LRP1B: variants seen among roughly 807,000 people sequenced by gnomAD.
LRP1B encodes the protein low-density lipoprotein receptor-related protein 1B.
Under a neutral mutation model 556.6 loss-of-function variants are expected in LRP1B, and 217 were observed. The ratio of observed to expected loss-of-function variants is 0.39; its 90% CI spans 0.35 to 0.44. The LOEUF is 0.44. Among genes scored for constraint, LRP1B ranks in the 20% least tolerant of loss-of-function variants. LRP1B has a pLI of 1.00. For missense variants in LRP1B, 5,053 were observed against 5,620.8 expected (o/e 0.90, Z 3.23); for synonymous variants, 2,047 against 1,865.8 (o/e 1.10, Z -2.50).
At chr2:141,273,736 TAAC>T (rs1685176479) in intron 3 of LRP1B, among the ~76,000 whole-genome samples, 1 of 152,194 alleles carries the variant, frequency 6.6e-6, no homozygotes, top group African/African-American at 2.4e-5. Context: ...GCATTGGACT[TAAC>T]AAAAGTATTT....
intron 20 of LRP1B, among the ~76,000 whole-genome samples, chr2:140,927,546 CATTA>C (rs1178265019): frequency 2.0e-5 from 3 of 151,980 alleles, no homozygotes; most frequent in Non-Finnish European, 4.4e-5. Context: ...TTTATAAAGT[CATTA>C]ATTTTTATAT....
intron 55 of LRP1B, among the ~76,000 whole-genome samples, chr2:140,499,209 A>C (rs928989929): frequency 6.6e-6 from 1 of 151,918 alleles, no homozygotes; most frequent in African/African-American, 2.4e-5. Flanking sequence ...CTTCTACCAA[A>C]AGCAGTTTCC....
rs144889388 is a variant in LRP1B, at chr2:141,291,225, T to C, written c.344-36584A>G. On this transcript the variant is annotated intron_variant, in intron 3 of 90. Transcript: ENST00000389484. ...ATTAATTTTATTAGTGTAACTAAAATATCTTACTTTTGTGAGAAAATTGTT... is the reference window on the plus strand; with the variant it reads ...ATTAATTTTATTAGTGTAACTAAAACATCTTACTTTTGTGAGAAAATTGTT... 3.4e-3 allele frequency among the ~76,000 whole-genome samples: 513 copies of C among 152,316 alleles called. 3 individuals are homozygous for C. The highest frequency in any genetic ancestry group is 0.012 in the African/African-American group (488 of 41,566).
chr2:140,594,144 A>AT (rs1682340458), intron 43 of LRP1B, among the ~76,000 whole-genome samples: 1 of 152,010 alleles, frequency 6.6e-6, no homozygotes, highest in Non-Finnish European at 1.5e-5. Flanking sequence ...AATTTTTTGT[A>AT]TTTTTAGTAG....
intron 3 of LRP1B, among the ~76,000 whole-genome samples, chr2:141,419,227 T>C (rs1680053589): frequency 7.1e-6 from 1 of 140,886 alleles, no homozygotes; most frequent in Non-Finnish European, 1.6e-5. Context: ...GGATCTTATT[T>C]ATTAAGGATA....
At chr2:141,352,016 G>A (rs79788600) in intron 3 of LRP1B, among the ~76,000 whole-genome samples, 2 of 151,942 alleles carry the variant, frequency 1.3e-5, no homozygotes, top group African/African-American at 4.8e-5. Context: ...TTATTACCAT[G>A]GAGAAAAGAC....
chr2:140,414,016 A>C (rs903398521), intron 66 of LRP1B, among the ~76,000 whole-genome samples: 9 of 152,190 alleles, frequency 5.9e-5, no homozygotes, highest in Non-Finnish European at 5.9e-5. Flanking sequence ...CCTGGGCTCA[A>C]GCAATCCTCC....
intron 2 of LRP1B, among the ~76,000 whole-genome samples, chr2:141,794,699 C>T (rs1695742865): frequency 6.6e-6 from 1 of 151,884 alleles, no homozygotes; most frequent in Non-Finnish European, 1.5e-5. Context: ...TTACACCTTT[C>T]CAGTAACTTC....
At chr2:141,475,586 C>T (rs957262042) in intron 3 of LRP1B, among the ~76,000 whole-genome samples, 1 of 152,044 alleles carries the variant, frequency 6.6e-6, no homozygotes, top group African/African-American at 2.4e-5. Flanking sequence ...GTCTTCACAC[C>T]CAGATGTTGA....
chr2:141,864,546 G>T (rs1197700091), intron 1 of LRP1B, among the ~76,000 whole-genome samples: 3 of 141,718 alleles, frequency 2.1e-5, no homozygotes, highest in Non-Finnish European at 4.6e-5. Flanking sequence ...ACTTTATTTT[G>T]CATTAAAATC....
At chr2:141,348,473 T>C (rs1457870965) in intron 3 of LRP1B, among the ~76,000 whole-genome samples, 1 of 152,004 alleles carries the variant, frequency 6.6e-6, no homozygotes, top group Non-Finnish European at 1.5e-5. Flanking sequence ...ACATTTATTA[T>C]TAATAATTAG....
chr2:142,089,048 C>T (rs1706062744), intron 1 of LRP1B, among the ~76,000 whole-genome samples: 1 of 147,432 alleles, frequency 6.8e-6, no homozygotes, highest in African/African-American at 2.5e-5. Context: ...TTTTTGTCAA[C>T]AAATTTTGTG....
At chr2:141,757,049 A>G (rs1018148061) in intron 2 of LRP1B, among the ~76,000 whole-genome samples, 1 of 152,146 alleles carries the variant, frequency 6.6e-6, no homozygotes, top group Admixed American at 6.6e-5. Context: ...TTATCTTTAA[A>G]TGCTTCTAAA....
chr2:140,269,245 G>A (rs528360793), intron 86 of LRP1B: 6 of 470,218 alleles, frequency 1.3e-5, no homozygotes, highest in South Asian at 3.1e-5. Flanking sequence ...GAAGCGCAGC[G>A]ATAAGTGGAA....
At chr2:141,951,916 C>T (rs1280398442) in intron 1 of LRP1B, among the ~76,000 whole-genome samples, 1 of 151,866 alleles carries the variant, frequency 6.6e-6, no homozygotes, top group East Asian at 1.9e-4. Flanking sequence ...CATATGTATA[C>T]ATGTGCCATG....
intron 7 of LRP1B, among the ~76,000 whole-genome samples, chr2:141,110,210 G>T (rs1335039987): frequency 1.3e-5 from 2 of 152,146 alleles, no homozygotes; most frequent in East Asian, 3.9e-4. Context: ...GGCATTTCAT[G>T]TGGGTGGGTC....
rs34439000 is a variant in LRP1B at position 140,851,545 on chromosome 2, GA to G, written c.4711+106del. 134 of 1,287,354 alleles carry G rather than the reference GA, an allele frequency of 1.0e-4. No individual in the cohort carries two copies. In the East Asian group the frequency reaches 1.1e-3, roughly 10 times the overall value. 79.7% of individuals were successfully genotyped at this position (1,287,354 alleles called of 1,614,324 possible). A position where few individuals can be genotyped will look rare whatever the true frequency, so the allele number is the denominator to read the frequency against. On this transcript the variant is annotated intron_variant, in intron 28 of 90. Coordinates refer to ENST00000389484, the MANE Select transcript of LRP1B (RefSeq NM_018557.3). The stretch of plus-strand genomic sequence containing the variant: ...ACCACCTAAAATATTTTTGAAAACA[GA>G]AAAAAAAACTTCCTCTGCTTTAATA...
chr2:142,067,837 A>G lies in LRP1B; in HGVS notation c.82+62811T>C, dbSNP rs1175630922. On this transcript the variant is annotated intron_variant, in intron 1 of 90. Transcript: ENST00000389484. ...AAATGTTGCTGTGGCTACTTTAAAC[A>G]TAACACAGATCAAGTGAGCCATATG... Among the ~76,000 whole-genome samples, 4 of 151,658 alleles carry G rather than the reference A, an allele frequency of 2.6e-5. 1 individual carries two copies. Among genetic ancestry groups the G allele is most frequent in the Non-Finnish European group, 3.0e-5 (2 of 67,702 alleles).
chr2:140,402,108 GA>G (rs1360362043), intron 66 of LRP1B, among the ~76,000 whole-genome samples: 1 of 152,114 alleles, frequency 6.6e-6, no homozygotes, highest in Non-Finnish European at 1.5e-5. Flanking sequence ...GCTAAACCCA[GA>G]AAAGCAATAG....
Sources: allele counts gnomAD v4.1 joint callset (sites outside exome capture counted in the v4.1 genomes callset), GRCh38; gene constraint gnomAD v4.1.1; transcripts MANE v1.5; gene names NCBI Gene and HGNC (gene_info 2026-07-23, HGNC 2026-07-21).